GABRA6: variants seen among roughly 807,000 people sequenced by gnomAD.
The protein encoded by GABRA6 is gamma-aminobutyric acid receptor subunit alpha-6.
Under a neutral mutation model 47.3 loss-of-function variants are expected in GABRA6, and 45 were observed. The ratio of observed to expected loss-of-function variants is 0.95; its 90% CI spans 0.75 to 1.22. The LOEUF (loss-of-function observed/expected upper bound fraction) is 1.22, where lower values mean the gene tolerates loss of function less well. Among genes scored for constraint, GABRA6 ranks in the 50% most tolerant of loss-of-function variants. The probability of loss-of-function intolerance (pLI) is 0.00; values close to 1 mark genes in which losing one functional copy is unlikely to be tolerated. For synonymous variants in GABRA6, 219 were observed against 194.7 expected (o/e 1.12, Z -1.04); for missense variants, 583 against 549.3 (o/e 1.06, Z -0.61).
intron 6 of GABRA6, 73 bp downstream of exon 6, chr5:161,689,852 C>A: frequency 6.9e-7 from 1 of 1,453,272 alleles, no homozygotes; most frequent in South Asian, 1.2e-5. Flanking sequence ...ATATCTATTT[C>A]TTTTTCCTTC....
Position 161,689,336 on chromosome 5 carries a change from T to A in GABRA6, c.529T>A (p.Tyr177Asn), listed in dbSNP as rs1754754005. Residue 177 changes from tyrosine to asparagine, a missense_variant and splice_region_variant, in exon 5 of 9, where the codon TAT (tyrosine) becomes AAT (asparagine). Coordinates refer to ENST00000274545, the MANE Select transcript of GABRA6 (RefSeq NM_000811.3). The part of the protein sequence containing the change: ...GHACPLKFGS[Y>N]AYPKSEIIYT... The stretch of plus-strand genomic sequence containing the variant: ...TGCTTGTCCACTCAAGTTTGGGAGC[T>A]GTAAGTTACAACAGGCTTCTGAGAG... 3 of 1,613,358 alleles carry A rather than the reference T, an allele frequency of 1.9e-6. No individual in the cohort carries two copies.
Position 161,702,296 on chromosome 5 carries a change from A to G in GABRA6, c.*523A>G, listed in dbSNP as rs1282181951. On this transcript the variant is annotated 3_prime_UTR_variant, in exon 9 of 9. Transcript: ENST00000274545. ...TGTAAAGCCTACATTGAGCTTAGCC[A>G]TTTGTTTTTAACCTCGCTGTGCTCT... is the stretch of plus-strand genomic sequence containing the variant. 2 of 161,572 alleles carry G rather than the reference A, an allele frequency of 1.2e-5. No individual in the cohort carries two copies. The highest frequency in any genetic ancestry group is 2.7e-5 in the Non-Finnish European group (2 of 73,318). 10.0% of individuals were successfully genotyped at this position (161,572 alleles called of 1,614,324 possible). A position where few individuals can be genotyped will look rare whatever the true frequency, so the allele number is the denominator to read the frequency against.
At position 161,686,377 on chromosome 5, in the gene GABRA6, C is replaced by T. The variant is rs367675471; in HGVS notation, c.157+29C>T. On this transcript the variant is annotated intron_variant, in intron 2 of 8. Coordinates refer to ENST00000274545, the MANE Select transcript of GABRA6 (RefSeq NM_000811.3). ...AGAAGCTGCATCTTTGCTACACAAA[C>T]ACCTGTAGTTTCCTTCCTCCGTTTC... is the stretch of plus-strand genomic sequence containing the variant. 29 of 1,507,814 alleles carry T rather than the reference C, an allele frequency of 1.9e-5. No homozygotes were observed. In the African/African-American group the frequency reaches 3.7e-4, roughly 19 times the overall value. The allele number at this position is 1,507,814 out of a possible 1,614,324, so 93.4% of individuals were successfully genotyped here.
At chr5:161,701,097 T>A (rs1754972050) in intron 8 of GABRA6, among the ~76,000 whole-genome samples, 1 of 152,126 alleles carries the variant, frequency 6.6e-6, no homozygotes, top group Admixed American at 6.5e-5. Flanking sequence ...TATTCCAAAT[T>A]GGAATTCACC....
Position 161,689,062 on chromosome 5 carries a change from G to T in GABRA6, c.339G>T (p.Thr113=), listed in dbSNP as rs113239794. The change falls in exon 4 of 9, where the codon ACG becomes ACT. Residue 113 remains threonine, a synonymous_variant. Coordinates refer to ENST00000274545, the MANE Select transcript of GABRA6 (RefSeq NM_000811.3). The part of the protein sequence containing the change: ...LNNLMVSKIW[T]PDTFFRNGKK... ...ATTTGATGGTCAGTAAAATCTGGAC[G>T]CCTGACACCTTTTTCAGAAATGGTA... The T allele has an allele frequency of 5.6e-6, 9 of 1,613,874 alleles. No individual in the cohort carries two copies. In the African/African-American group the frequency reaches 8.0e-5, roughly 14 times the overall value.
intron 8 of GABRA6, among the ~76,000 whole-genome samples, chr5:161,696,297 T>TG (rs1206781026): frequency 2.6e-5 from 4 of 152,092 alleles, no homozygotes; most frequent in Admixed American, 6.6e-5. Flanking sequence ...TGTAGAGAGA[T>TG]GTGAAGAATA....
At chr5:161,686,387 T>C in intron 2 of GABRA6, 39 bp downstream of exon 2, 1 of 1,470,536 alleles carries the variant, frequency 6.8e-7, no homozygotes, top group Non-Finnish European at 9.5e-7. Context: ...CACCTGTAGT[T>C]TCCTTCCTCC....
intron 7 of GABRA6, 72 bp from the exon 8 acceptor site, chr5:161,691,869 A>T (rs1754798992): frequency 1.4e-6 from 2 of 1,394,268 alleles, no homozygotes; most frequent in Admixed American, 3.3e-5. Context: ...TTCTCCTCTG[A>T]CACATTCTCA....
In GABRA6 at chr5:161,692,028, G is replaced by A. The variant is rs751330799; in HGVS notation, c.914G>A (p.Trp305Ter). The A allele has an allele frequency of 6.2e-7, 1 of 1,614,098 alleles. No individual in the cohort carries two copies. Among genetic ancestry groups the A allele is most frequent in the Non-Finnish European group, 8.5e-7 (1 of 1,179,994 alleles). Residue 305 changes from tryptophan to a stop codon, truncating the protein, a stop_gained, in exon 8 of 9, where the codon TGG becomes TAG. Coordinates refer to ENST00000274545, the MANE Select transcript of GABRA6 (RefSeq NM_000811.3). LOFTEE classifies it high-confidence loss of function. ...PKVSYATAMD[W>*]FIAVCFAFVF... is the part of the protein sequence containing the mutation. ...GTGTCATATGCCACTGCCATGGATT[G>A]GTTCATAGCTGTTTGCTTTGCATTC...
At chr5:161,699,415 T>G (rs1424341897) in intron 8 of GABRA6, among the ~76,000 whole-genome samples, 2 of 152,098 alleles carry the variant, frequency 1.3e-5, no homozygotes, top group African/African-American at 4.8e-5. Context: ...TAGGTGAAAA[T>G]TTAGAGTCTG....
At chr5:161,687,510 G>A (rs1432854500) in intron 3 of GABRA6, 1 of 456,060 alleles carries the variant, frequency 2.2e-6, no homozygotes, top group South Asian at 1.5e-5. Context: ...GGTGTTCTGG[G>A]GACTCTGTTC....
At chr5:161,696,342 AT>A in intron 8 of GABRA6, among the ~76,000 whole-genome samples, 1 of 144,038 alleles carries the variant, frequency 6.9e-6, no homozygotes, top group East Asian at 2.1e-4. Context: ...TACTCCAAAT[AT>A]TGCACAGATT....
rs1218389878 is a variant in GABRA6 at position 161,701,586 on chromosome 5, C to G, written c.1175C>G (p.Thr392Arg). Residue 392 changes from threonine to arginine, a missense_variant, in exon 9 of 9, where the codon ACG becomes AGG. Coordinates refer to ENST00000274545, the MANE Select transcript of GABRA6 (RefSeq NM_000811.3). ...TCTTCCGAGGCCAATAAAGTGCTCACGAGAGCGCCCATCTTACAATCAACA... is the reference window on the plus strand; with the variant it reads ...TCTTCCGAGGCCAATAAAGTGCTCAGGAGAGCGCCCATCTTACAATCAACA... ...VSSSEANKVL[T>R]RAPILQSTPV... 6.2e-7 allele frequency: 1 copy of G among 1,614,168 alleles called. No homozygotes were observed. Among genetic ancestry groups the G allele is most frequent in the Non-Finnish European group, 8.5e-7 (1 of 1,180,028 alleles).
At chr5:161,687,604 T>C in intron 3 of GABRA6, 1 of 448,590 alleles carries the variant, frequency 2.2e-6, no homozygotes, top group Non-Finnish European at 4.5e-6. Context: ...TAGAACAAAG[T>C]GTATCATGGT....
chr5:161,686,089 C>G (rs1047795083), intron 1 of GABRA6, 62 bp downstream of exon 1: 16 of 1,501,242 alleles, frequency 1.1e-5, no homozygotes, highest in Admixed American at 1.7e-5. Flanking sequence ...AAGTATACAT[C>G]CATTGGGTGA....
chr5:161,689,216 T>C, intron 4 of GABRA6, 38 bp from the exon 5 acceptor site: 2 of 1,611,720 alleles, frequency 1.2e-6, no homozygotes, highest in Non-Finnish European at 8.5e-7. Context: ...GATATGTCCA[T>C]AATACTAACT....
chr5:161,688,409 C>T (rs749033673), intron 3 of GABRA6, among the ~76,000 whole-genome samples: 30 of 152,038 alleles, frequency 2.0e-4, no homozygotes, highest in Admixed American at 7.2e-4. Context: ...AGAATAGTCA[C>T]GGTAACACTT....
At chr5:161,686,702 A>G (rs779400689) in intron 2 of GABRA6, among the ~76,000 whole-genome samples, 5 of 152,190 alleles carry the variant, frequency 3.3e-5, no homozygotes, top group Non-Finnish European at 5.9e-5. Flanking sequence ...GTTAGAACGA[A>G]TCTAGCTTCT....
chr5:161,687,447 G>T (rs1330275471), intron 3 of GABRA6: 2 of 446,578 alleles, frequency 4.5e-6, no homozygotes, highest in Admixed American at 2.5e-5. Context: ...CAGTAAAGAG[G>T]TCATTTGGAA....
Sources: gnomAD v4.1 joint callset for allele counts (sites outside exome capture counted in the v4.1 genomes callset) on GRCh38, gnomAD v4.1.1 for gene constraint, MANE v1.5 for transcripts, NCBI Gene and HGNC (gene_info 2026-07-23, HGNC 2026-07-21) for gene names.